SYNE1: variants seen among roughly 807,000 people sequenced by gnomAD.
SYNE1 encodes the protein nesprin-1.
In SYNE1, 616 loss-of-function variants were observed where a neutral mutation model predicts 1,111.0. The ratio of observed to expected loss-of-function variants is 0.55; its 90% CI spans 0.52 to 0.59. The LOEUF is 0.59. Ranked by LOEUF, SYNE1 falls within the 20% of genes least tolerant of loss-of-function variation. The pLI is 0.00. For missense variants in SYNE1, 10,006 were observed against 10,417.0 expected, an observed-to-expected ratio of 0.96 and a Z score of 1.72; for synonymous variants, 3,855 against 3,825.8, an observed-to-expected ratio of 1.01 and a Z score of -0.28.
In SYNE1 at chr6:152,362,320, T is replaced by C. The variant is rs369227827; in HGVS notation, c.10149A>G (p.Gln3383=). The C allele has an allele frequency of 1.4e-4, 220 of 1,613,952 alleles. No individual in the cohort carries two copies. Among genetic ancestry groups the C allele is most frequent in the Non-Finnish European group, 1.7e-4 (198 of 1,180,030 alleles). Residue 3383 remains glutamine, a synonymous_variant, in exon 64 of 146, where the codon CAA becomes CAG. Transcript: ENST00000367255. ...LLSAGIRCKS[Q]LEGALSKWTS... Reference sequence around the variant, plus strand: ...TCCACTTGGAGAGAGCTCCTTCGAGTTGGCTGAAAGGGATTTGAAAGGACA... The same window carrying C: ...TCCACTTGGAGAGAGCTCCTTCGAGCTGGCTGAAAGGGATTTGAAAGGACA...
chr6:152,491,278 G>A (rs2098968827), intron 11 of SYNE1, among the ~76,000 whole-genome samples: 1 of 152,056 alleles, frequency 6.6e-6, no homozygotes, highest in Non-Finnish European at 1.5e-5. Context: ...TGATCACTGT[G>A]GGGACGCCTG....
At chr6:152,450,562 G>T in intron 27 of SYNE1, 63 bp downstream of exon 27, 3 of 1,328,508 alleles carry the variant, frequency 2.3e-6, no homozygotes, top group South Asian at 1.2e-5. Context: ...GTTTTGTCAT[G>T]ATCTCCGAAC....
Position 152,362,342 on chromosome 6 carries a change from G to C in SYNE1, c.10146-19C>G, listed in dbSNP as rs372218555. 5.8e-5 allele frequency: 93 copies of C among 1,614,108 alleles called. No homozygotes were observed. The African/African-American group carries it at 1.2e-3, about 20-fold the overall frequency. On this transcript the variant is annotated intron_variant, in intron 63 of 145. Transcript: ENST00000367255. ...GAGTTGGCTGAAAGGGATTTGAAAG[G>C]ACAATAAATCCACATTGAGAATCCT...
Position 152,363,030 on chromosome 6 carries a change from G to A in SYNE1, c.10146-707C>T, listed in dbSNP as rs559556914. Among the ~76,000 whole-genome samples, 10 of 150,922 alleles carry A rather than the reference G, an allele frequency of 6.6e-5. 1 individual carries two copies. The highest frequency in any genetic ancestry group is 1.7e-4 in the African/African-American group (7 of 41,232). Reference sequence around the variant, plus strand: ...CGAGTAGCTGGGACTACATGCCCCCGCCACCATGCCCGGCTAATTTTTTTG... The same window carrying A: ...CGAGTAGCTGGGACTACATGCCCCCACCACCATGCCCGGCTAATTTTTTTG... On this transcript the variant is annotated intron_variant, in intron 63 of 145. Coordinates refer to ENST00000367255, the MANE Select transcript of SYNE1 (RefSeq NM_182961.4).
chr6:152,621,016 A>G (rs1362546333), intron 3 of SYNE1, among the ~76,000 whole-genome samples: 1 of 152,170 alleles, frequency 6.6e-6, no homozygotes, highest in Non-Finnish European at 1.5e-5. Flanking sequence ...GAAATTTCTG[A>G]TTGTATTGGC....
rs760176409 is a variant in SYNE1, at chr6:152,321,231, G to T, written c.16236+7C>A. 2 of 1,613,396 alleles carry T rather than the reference G, an allele frequency of 1.2e-6. No homozygotes were observed. The highest frequency in any genetic ancestry group is 1.7e-6 in the Non-Finnish European group (2 of 1,179,738). ...GGAAAGACACTCTTTCTTGATCATA[G>T]GTTTACCTGATCTCGGATCTTTAGA... On this transcript the variant is annotated splice_region_variant and intron_variant, in intron 84 of 145. Coordinates refer to ENST00000367255, the MANE Select transcript of SYNE1 (RefSeq NM_182961.4).
intron 3 of SYNE1, among the ~76,000 whole-genome samples, chr6:152,547,948 C>A (rs1389084105): frequency 2.6e-5 from 4 of 152,078 alleles, no homozygotes; most frequent in Admixed American, 2.6e-4. Flanking sequence ...AATCATTTCA[C>A]AATTTATATG....
intron 135 of SYNE1, among the ~76,000 whole-genome samples, chr6:152,150,681 A>C (rs990230553): frequency 1.3e-5 from 2 of 152,234 alleles, no homozygotes; most frequent in African/African-American, 4.8e-5. Context: ...AAATACTCCC[A>C]CTTTTAGGAA....
chr6:152,236,983 A>C lies in SYNE1; in HGVS notation c.20068-35T>G, dbSNP rs200957574. The C allele has an allele frequency of 6.3e-4, 1,009 of 1,611,392 alleles. 7 individuals carry two copies. Among genetic ancestry groups the C allele is most frequent in the Non-Finnish European group, 6.1e-4 (720 of 1,179,198 alleles). Reference sequence around the variant, plus strand: ...CAACATGAGTCTGTGAGCTAAAAAAACCCTCATTAGCGAAAGACATTCTTC... The same window carrying C: ...CAACATGAGTCTGTGAGCTAAAAAACCCCTCATTAGCGAAAGACATTCTTC... On this transcript the variant is annotated intron_variant, in intron 108 of 145. Transcript: ENST00000367255.
chr6:152,575,887 T>C (rs983596985), intron 3 of SYNE1, among the ~76,000 whole-genome samples: 7 of 152,244 alleles, frequency 4.6e-5, no homozygotes, highest in Admixed American at 3.9e-4. Context: ...CAACTTGAGG[T>C]GACTGTAATC....
chr6:152,401,053 G>T, intron 47 of SYNE1, 85 bp downstream of exon 47: 13 of 1,357,964 alleles, frequency 9.6e-6, no homozygotes, highest in Non-Finnish European at 1.4e-5. Context: ...TGAGAGCAGA[G>T]GTTATATTTT....
chr6:152,330,144 G>T lies in SYNE1; in HGVS notation c.14541C>A (p.Asp4847Glu). Residue 4847 changes from aspartate (D) to glutamate (E), a missense_variant, in exon 78 of 146, where the codon GAC (aspartate) becomes GAA (glutamate). Transcript: ENST00000367255. ...GCCTGGCTTTCTCATAAGCCAAGGG[G>T]TCAAGGTGTGGGGCAAGATCTTCAA... ...IHLEDLAPHL[D>E]PLAYEKARHQ... is the part of the protein sequence containing the mutation. 6.2e-7 allele frequency: 1 copy of T among 1,614,204 alleles called. No homozygotes were observed. The highest frequency in any genetic ancestry group is 2.2e-5 in the East Asian group (1 of 44,888).
At chr6:152,302,373 C>A (rs1589624143) in intron 91 of SYNE1, 1 of 472,598 alleles carries the variant, frequency 2.1e-6, no homozygotes. Flanking sequence ...TCATGAACTT[C>A]CGCAACATTA....
Position 152,269,216 on chromosome 6 carries a change from C to A in SYNE1, c.18644G>T (p.Trp6215Leu). The A allele has an allele frequency of 6.2e-7, 1 of 1,614,174 alleles. No homozygotes were observed. ...TATQSPGVQE[W>L]LAQARTTWTQ... is the part of the protein sequence containing the mutation. ...CCATGTGGTGCGAGCTTGGGCCAGC[C>A]ATTCCTGGACGCCGGGGCTCTGCGT... Residue 6215 changes from tryptophan to leucine, a missense_variant, in exon 99 of 146, where the codon TGG becomes TTG. Transcript: ENST00000367255.
chr6:152,510,209 G>T lies in SYNE1; in HGVS notation c.565C>A (p.Gln189Lys), dbSNP rs371665371. ...GATACTTACTTGCCAGCTGTGTACT[G>T]AACCCACTTTAATAAAGCCTTCTTA... is the stretch of plus-strand genomic sequence containing the variant. ...NAKKALLKWV[Q>K]YTAGKQTGIE... The change falls in exon 8 of 146, where the codon CAG (glutamine) becomes AAG (lysine). Residue 189 changes from glutamine (Q) to lysine (K), a missense_variant. Transcript: ENST00000367255. 6.8e-6 allele frequency: 11 copies of T among 1,613,846 alleles called. No individual in the cohort carries two copies. Among genetic ancestry groups the T allele is most frequent in the Non-Finnish European group, 9.3e-6 (11 of 1,179,920 alleles).
chr6:152,170,253 T>C (rs9479233), intron 130 of SYNE1, among the ~76,000 whole-genome samples: 44,056 of 152,118 alleles, frequency 0.29, 6,911 homozygotes, highest in Admixed American at 0.39. Context: ...GCAATGTTCA[T>C]TGATACAGAA....
intron 53 of SYNE1, among the ~76,000 whole-genome samples, chr6:152,390,058 T>C (rs1167329907): frequency 6.6e-6 from 1 of 152,152 alleles, no homozygotes; most frequent in Non-Finnish European, 1.5e-5. Flanking sequence ...AATAGGTAGA[T>C]TTAAATATTT....
chr6:152,128,047 C>T (rs1035923251), intron 145 of SYNE1: 47 of 152,244 alleles, frequency 3.1e-4, no homozygotes, highest in African/African-American at 9.9e-4. Context: ...TTGCTACATC[C>T]GGACTACAGT....
At chr6:152,493,756 T>C (rs2098984393) in intron 11 of SYNE1, among the ~76,000 whole-genome samples, 1 of 152,196 alleles carries the variant, frequency 6.6e-6, no homozygotes, top group Admixed American at 6.5e-5. Context: ...CGTGTCCGGC[T>C]AATCTCCCAA....
Sources: gnomAD v4.1 joint callset for allele counts (sites outside exome capture counted in the v4.1 genomes callset) on GRCh38, gnomAD v4.1.1 for gene constraint, MANE v1.5 for transcripts, NCBI Gene and HGNC (gene_info 2026-07-23, HGNC 2026-07-21) for gene names.